CHST11: variants seen among roughly 807,000 people sequenced by gnomAD.
CHST11 encodes the protein carbohydrate sulfotransferase 11.
In CHST11, 9 loss-of-function variants were observed where a neutral mutation model predicts 30.4. The observed-to-expected ratio is 0.30, with a 90% confidence interval of 0.18 to 0.52. CHST11 has a LOEUF of 0.52. Among genes scored for constraint, CHST11 ranks in the 20% least tolerant of loss-of-function variants. The pLI, the probability that CHST11 is intolerant of heterozygous loss-of-function variation, is 0.97. For missense variants in CHST11, 348 were observed against 460.6 expected (o/e 0.76, Z 2.24); for synonymous variants, 152 against 187.8 (o/e 0.81, Z 1.56).
chr12:104,618,765 T>C (rs2039133029), intron 2 of CHST11, among the ~76,000 whole-genome samples: 2 of 152,012 alleles, frequency 1.3e-5, no homozygotes, highest in African/African-American at 2.4e-5. Flanking sequence ...TAGAGAGGCG[T>C]TTTGTTGTTG....
chr12:104,490,574 C>T (rs967214110), intron 1 of CHST11, among the ~76,000 whole-genome samples: 4 of 152,190 alleles, frequency 2.6e-5, no homozygotes, highest in Non-Finnish European at 4.4e-5. Context: ...ACAATGATTT[C>T]CTTTCTTGAA....
At position 104,656,461 on chromosome 12, in the gene CHST11, G is replaced by A. The variant is rs928754836; in HGVS notation, c.204+54470G>A. Reference sequence around the variant, plus strand: ...GACCTGAGCACAGCACTCAGGCTCCGTCTCAGGTGGCCACAGTAACTTTGC... The same window carrying A: ...GACCTGAGCACAGCACTCAGGCTCCATCTCAGGTGGCCACAGTAACTTTGC... On this transcript the variant is annotated intron_variant, in intron 2 of 2. Transcript: ENST00000303694. Among the ~76,000 whole-genome samples, 7 of 152,250 alleles carry A rather than the reference G, an allele frequency of 4.6e-5. 1 individual carries two copies. The highest frequency in any genetic ancestry group is 4.1e-4 in the South Asian group (2 of 4,822).
intron 2 of CHST11, among the ~76,000 whole-genome samples, chr12:104,755,118 C>G (rs1425775736): frequency 6.6e-6 from 1 of 152,184 alleles, no homozygotes; most frequent in Non-Finnish European, 1.5e-5. Flanking sequence ...CTACTTTAGG[C>G]CCATCCCAAT....
At chr12:104,533,136 C>G (rs1485669410) in intron 1 of CHST11, among the ~76,000 whole-genome samples, 2 of 152,184 alleles carry the variant, frequency 1.3e-5, no homozygotes, top group East Asian at 1.9e-4. Context: ...TCAACAGATT[C>G]CATCACTCTG....
At chr12:104,490,371 G>A (rs1034454950) in intron 1 of CHST11, among the ~76,000 whole-genome samples, 1 of 152,186 alleles carries the variant, frequency 6.6e-6, no homozygotes, top group African/African-American at 2.4e-5. Context: ...ATCACCCCTG[G>A]CATGTGTGTT....
At chr12:104,535,554 G>A (rs1454392327) in intron 1 of CHST11, among the ~76,000 whole-genome samples, 2 of 152,118 alleles carry the variant, frequency 1.3e-5, no homozygotes, top group African/African-American at 4.8e-5. Flanking sequence ...TTACCTCAAG[G>A]AACATAAACC....
In CHST11 at chr12:104,457,365, C is replaced by T. The variant is rs201314775; in HGVS notation, c.-47C>T. ...CGGCGGGGTCCCTGCTCCTGCGCCCCGGGCGCGCTTCCCGGACACCCCGGT... is the reference window on the plus strand; with the variant it reads ...CGGCGGGGTCCCTGCTCCTGCGCCCTGGGCGCGCTTCCCGGACACCCCGGT... On this transcript the variant is annotated 5_prime_UTR_variant, in exon 1 of 3. Transcript: ENST00000303694. 2 of 1,452,960 alleles carry T rather than the reference C, an allele frequency of 1.4e-6. No individual in the cohort carries two copies. The highest frequency in any genetic ancestry group is 2.8e-5 in the African/African-American group (2 of 71,766). 90.0% of individuals were successfully genotyped at this position (1,452,960 alleles called of 1,614,324 possible).
At chr12:104,734,936 C>T (rs1259334523) in intron 2 of CHST11, among the ~76,000 whole-genome samples, 1 of 152,168 alleles carries the variant, frequency 6.6e-6, no homozygotes, top group Non-Finnish European at 1.5e-5. Context: ...TTACGTGAAC[C>T]CTGCCAGGCA....
At chr12:104,596,584 C>CTTTGCTG (rs113173312) in intron 1 of CHST11, among the ~76,000 whole-genome samples, 9 of 151,380 alleles carry the variant, frequency 5.9e-5, no homozygotes, top group Admixed American at 1.3e-4. Context: ...TGCTACTTGC[C>CTTTGCTG]CTTGCTGACT....
chr12:104,652,910 C>T (rs11112143), intron 2 of CHST11, among the ~76,000 whole-genome samples: 16,699 of 152,268 alleles, frequency 0.11, 920 homozygotes, highest in Non-Finnish European at 0.12. Flanking sequence ...ACACTCCCTA[C>T]GCACATCTTA....
chr12:104,666,176 T>C (rs886970199), intron 2 of CHST11, among the ~76,000 whole-genome samples: 1 of 152,180 alleles, frequency 6.6e-6, no homozygotes. Flanking sequence ...GAATACTTTA[T>C]TTAAATTGCT....
At chr12:104,631,268 A>C (rs993466979) in intron 2 of CHST11, among the ~76,000 whole-genome samples, 2 of 152,112 alleles carry the variant, frequency 1.3e-5, no homozygotes, top group Non-Finnish European at 2.9e-5. Context: ...CAGTGGGGTC[A>C]CCCGGGGCAA....
chr12:104,727,409 A>G (rs528216132), intron 2 of CHST11, among the ~76,000 whole-genome samples: 1 of 152,324 alleles, frequency 6.6e-6, no homozygotes, highest in Admixed American at 6.5e-5. Context: ...ATGCAAACAG[A>G]AATTTACTCC....
chr12:104,511,154 T>C (rs2037961787), intron 1 of CHST11, among the ~76,000 whole-genome samples: 1 of 152,196 alleles, frequency 6.6e-6, no homozygotes, highest in South Asian at 2.1e-4. Context: ...AGTCTCCACT[T>C]TCAGAGAGTT....
In CHST11 at chr12:104,544,769, T is replaced by TCCCCCCCCGCCC. The variant is rs199741884; in HGVS notation, c.119-57131_119-57130insCCGCCCCCCCCC. On this transcript the variant is annotated intron_variant, in intron 1 of 2. Coordinates refer to ENST00000303694, the MANE Select transcript of CHST11 (RefSeq NM_018413.6). ...CAATGATGTGCCCTGGGGGTCACAG[T>TCCCCCCCCGCCC]CCCCCCACCCCGGAGATAATGGATT... 2.3e-3 allele frequency among the ~76,000 whole-genome samples: 120 copies of TCCCCCCCCGCCC among 51,100 alleles called. 4 individuals are homozygous for TCCCCCCCCGCCC. In the East Asian group the frequency reaches 0.031, roughly 13 times the overall value. 33.5% of individuals were successfully genotyped at this position (51,100 alleles called of 152,430 possible).
At chr12:104,554,907 A>T (rs558184258) in intron 1 of CHST11, among the ~76,000 whole-genome samples, 2 of 152,162 alleles carry the variant, frequency 1.3e-5, no homozygotes, top group Non-Finnish European at 2.9e-5. Context: ...CAGAATGAGG[A>T]AAAAGGGGGA....
At chr12:104,737,393 G>A (rs951390006) in intron 2 of CHST11, among the ~76,000 whole-genome samples, 7 of 152,248 alleles carry the variant, frequency 4.6e-5, no homozygotes, top group African/African-American at 1.7e-4. Flanking sequence ...CAAGCCCTCT[G>A]AGCCTCAGTT....
intron 2 of CHST11, among the ~76,000 whole-genome samples, chr12:104,741,915 G>A (rs1269517810): frequency 6.6e-6 from 1 of 152,190 alleles, no homozygotes; most frequent in Non-Finnish European, 1.5e-5. Context: ...AACCCGCATT[G>A]CATCAGATTC....
intron 2 of CHST11, among the ~76,000 whole-genome samples, chr12:104,688,724 G>A (rs1289266950): frequency 1.3e-5 from 2 of 152,322 alleles, no homozygotes; most frequent in African/African-American, 4.8e-5. Flanking sequence ...AACCAAAATA[G>A]GGGTGTGGTT....
Sources: gnomAD v4.1 joint callset for allele counts (sites outside exome capture counted in the v4.1 genomes callset) on GRCh38, gnomAD v4.1.1 for gene constraint, MANE v1.5 for transcripts, NCBI Gene and HGNC (gene_info 2026-07-23, HGNC 2026-07-21) for gene names.